NT5DC1: variants seen among roughly 807,000 people sequenced by gnomAD.
The protein encoded by NT5DC1 is 5'-nucleotidase domain-containing protein 1.
In NT5DC1, 42 loss-of-function variants were observed where a neutral mutation model predicts 59.4. That is an observed-to-expected ratio of 0.71 (90% CI 0.55 to 0.92). The LOEUF (loss-of-function observed/expected upper bound fraction) is 0.92. NT5DC1 is among the 40% of genes least tolerant of loss of function. The pLI, the probability that NT5DC1 is intolerant of heterozygous loss-of-function variation, is 0.00. For synonymous variants in NT5DC1, 172 were observed against 188.1 expected, an observed-to-expected ratio of 0.91 and a Z score of 0.70; for missense variants, 501 against 537.1, an observed-to-expected ratio of 0.93 and a Z score of 0.66.
At chr6:116,134,148 G>T (rs1031334013) in intron 6 of NT5DC1, among the ~76,000 whole-genome samples, 1 of 152,182 alleles carries the variant, frequency 6.6e-6, no homozygotes, top group Non-Finnish European at 1.5e-5. Context: ...AATTGTGATT[G>T]GTGATGATGA....
intron 1 of NT5DC1, 32 bp downstream of exon 1, chr6:116,101,055 C>A: frequency 6.7e-7 from 1 of 1,482,390 alleles, no homozygotes; most frequent in Non-Finnish European, 9.3e-7. Flanking sequence ...GCGCACTGCG[C>A]GCAACCTCCA....
intron 6 of NT5DC1, among the ~76,000 whole-genome samples, chr6:116,195,181 A>G (rs1781198069): frequency 6.6e-6 from 1 of 152,098 alleles, no homozygotes; most frequent in Non-Finnish European, 1.5e-5. Flanking sequence ...TAATTTCTAT[A>G]AAATAAAACA....
chr6:116,220,381 C>T (rs1226750764), intron 6 of NT5DC1, among the ~76,000 whole-genome samples: 1 of 152,134 alleles, frequency 6.6e-6, no homozygotes, highest in Non-Finnish European at 1.5e-5. Context: ...CCCTGGAGCT[C>T]AGCCAGACCC....
chr6:116,208,557 C>T (rs892876280), intron 6 of NT5DC1, among the ~76,000 whole-genome samples: 7 of 152,000 alleles, frequency 4.6e-5, no homozygotes, highest in Non-Finnish European at 8.8e-5. Context: ...TGCCTTTATT[C>T]GTTCATCTCA....
At chr6:116,136,503 T>C (rs1224960530) in intron 6 of NT5DC1, among the ~76,000 whole-genome samples, 1 of 152,054 alleles carries the variant, frequency 6.6e-6, no homozygotes, top group Non-Finnish European at 1.5e-5. Flanking sequence ...GCTTATTAAG[T>C]GGAATGACTC....
At chr6:116,108,508 C>A in intron 3 of NT5DC1, 73 bp downstream of exon 3, 1 of 827,614 alleles carries the variant, frequency 1.2e-6, no homozygotes, top group South Asian at 1.4e-5. Context: ...GCATATGACC[C>A]TTACAGTATG....
At position 116,192,192 on chromosome 6, in the gene NT5DC1, A is replaced by C. The variant is rs979867080; in HGVS notation, c.530-28862A>C. 3.3e-5 allele frequency among the ~76,000 whole-genome samples: 5 copies of C among 151,994 alleles called. No individual in the cohort carries two copies. The East Asian group carries it at 7.8e-4, about 24-fold the overall frequency. ...AGTTAACTGTGTGATTTTGCCAGTT[A>C]ATTAACCTCTGTAAGTCTCTGTTTG... On this transcript the variant is annotated intron_variant, in intron 6 of 11. Coordinates refer to ENST00000319550, the MANE Select transcript of NT5DC1 (RefSeq NM_152729.3).
chr6:116,233,493 G>A (rs762407699), intron 8 of NT5DC1, among the ~76,000 whole-genome samples: 1 of 152,198 alleles, frequency 6.6e-6, no homozygotes, highest in Non-Finnish European at 1.5e-5. Context: ...CCTCAGGGAT[G>A]CCAGATAAAG....
intron 1 of NT5DC1, among the ~76,000 whole-genome samples, chr6:116,102,277 G>A (rs756094442): frequency 4.7e-4 from 71 of 152,218 alleles, no homozygotes; most frequent in Admixed American, 7.2e-4. Context: ...AAGAGTGGCT[G>A]CCCGAATTTC....
intron 4 of NT5DC1, 81 bp downstream of exon 4, chr6:116,111,037 A>G: frequency 1.1e-6 from 1 of 937,908 alleles, no homozygotes; most frequent in Non-Finnish European, 1.7e-6. Context: ...GACAAAGAAG[A>G]CCCCCCTTTC....
rs755423781 is a variant in NT5DC1 at position 116,100,922 on chromosome 6, C to G, written c.-9C>G. 5 of 1,593,678 alleles carry G rather than the reference C, an allele frequency of 3.1e-6. No individual in the cohort carries two copies. The African/African-American group carries it at 5.6e-5, about 18-fold the overall frequency. ...GGCCGAGGCGCTCCCTGGTGCTCCC[C>G]GCGCAGCCATGGCTCAGCACTTCTC... On this transcript the variant is annotated 5_prime_UTR_variant, in exon 1 of 12. Transcript: ENST00000319550.
intron 6 of NT5DC1, among the ~76,000 whole-genome samples, chr6:116,204,063 C>CT (rs1377877014): frequency 6.6e-6 from 1 of 151,794 alleles, no homozygotes; most frequent in East Asian, 1.9e-4. Flanking sequence ...ACCCAGCTCA[C>CT]TTTGGGCAGT....
chr6:116,100,887 C>A lies in NT5DC1; in HGVS notation c.-44C>A. ...CAGCGTCCCGCCAGCCAGCTCCTTG[C>A]ACCCTTCGCGGCCGAGGCGCTCCCT... On this transcript the variant is annotated 5_prime_UTR_variant, in exon 1 of 12. Transcript: ENST00000319550. 6.8e-7 allele frequency: 1 copy of A among 1,481,394 alleles called. No homozygotes were observed. The highest frequency in any genetic ancestry group is 9.2e-7 in the Non-Finnish European group (1 of 1,082,756). The allele number at this position is 1,481,394 out of a possible 1,614,324, so 91.8% of individuals were successfully genotyped here.
At chr6:116,151,745 T>C (rs1166651035) in intron 6 of NT5DC1, among the ~76,000 whole-genome samples, 1 of 152,204 alleles carries the variant, frequency 6.6e-6, no homozygotes, top group African/African-American at 2.4e-5. Flanking sequence ...AGCTTTTCTA[T>C]AATAAATACC....
chr6:116,107,078 A>C (rs1778781949), intron 2 of NT5DC1, among the ~76,000 whole-genome samples: 1 of 151,594 alleles, frequency 6.6e-6, no homozygotes, highest in Admixed American at 6.6e-5. Context: ...TTGTATTTCC[A>C]GCTACTGGAG....
At chr6:116,160,660 T>TTG (rs1465402381) in intron 6 of NT5DC1, among the ~76,000 whole-genome samples, 1 of 152,206 alleles carries the variant, frequency 6.6e-6, no homozygotes, top group African/African-American at 2.4e-5. Context: ...TTTGTTGCAT[T>TTG]TGTTGTTGAG....
At chr6:116,241,939 C>CAAAAAAAAAAAAAAAAAAA (rs1280732737) in intron 11 of NT5DC1, among the ~76,000 whole-genome samples, 2 of 12,030 alleles carry the variant, frequency 1.7e-4, no homozygotes, top group African/African-American at 6.0e-4. Flanking sequence ...AAAAAAAAAA[C>CAAAAAAAAAAAAAAAAAAA]AAAACAAAAA....
intron 6 of NT5DC1, among the ~76,000 whole-genome samples, chr6:116,159,922 A>G (rs1280572540): frequency 6.6e-6 from 1 of 152,102 alleles, no homozygotes; most frequent in African/African-American, 2.4e-5. Flanking sequence ...AGCTCTATCC[A>G]TGTTGTTGCA....
intron 1 of NT5DC1, among the ~76,000 whole-genome samples, chr6:116,105,617 A>G (rs1049863642): frequency 4.6e-5 from 7 of 152,232 alleles, no homozygotes; most frequent in Non-Finnish European, 1.0e-4. Context: ...TCAAAAACCT[A>G]GCATTTTTTG....
Sources: allele counts gnomAD v4.1 joint callset (sites outside exome capture counted in the v4.1 genomes callset), GRCh38; gene constraint gnomAD v4.1.1; transcripts MANE v1.5; gene names NCBI Gene and HGNC (gene_info 2026-07-23, HGNC 2026-07-21).